The following GPCPD1 variants were observed in gnomAD, a reference collection of about 807,000 sequenced individuals.
GPCPD1 encodes the protein glycerophosphocholine phosphodiesterase GPCPD1.
Under a neutral mutation model 89.2 loss-of-function variants are expected in GPCPD1, and 29 were observed. The observed-to-expected ratio is 0.33, with a 90% CI of 0.24 to 0.44. GPCPD1 has a LOEUF of 0.44. GPCPD1 is among the 20% of genes least tolerant of loss of function. The pLI is 1.00. For synonymous variants in GPCPD1, 258 were observed against 266.3 expected, an observed-to-expected ratio of 0.97 and a Z score of 0.30; for missense variants, 594 against 808.9, an observed-to-expected ratio of 0.73 and a Z score of 3.22.
intron 10 of GPCPD1, 150 bp from the exon 11 acceptor site, chr20:5,574,119 T>C (rs1978284909): frequency 6.6e-6 from 4 of 609,902 alleles, no homozygotes; most frequent in African/African-American, 1.9e-5. Context: ...TGACTATGGC[T>C]GTGACTAGGA....
Position 5,583,800 on chromosome 20 carries a change from A to C in GPCPD1, c.349+481T>G, listed in dbSNP as rs182983911. Among the ~76,000 whole-genome samples, 3 of 152,324 alleles carry C rather than the reference A, an allele frequency of 2.0e-5. No homozygotes were observed. In the East Asian group the frequency reaches 5.8e-4, roughly 29 times the overall value. On this transcript the variant is annotated intron_variant, in intron 6 of 19. Transcript: ENST00000379019. ...CACACTTTAGATATTTAGAAACATT[A>C]ATGTAATTTCAAACATAAAAGAGGT...
At chr20:5,555,834 T>C (rs1985732316) in intron 19 of GPCPD1, among the ~76,000 whole-genome samples, 1 of 152,294 alleles carries the variant, frequency 6.6e-6, no homozygotes, top group South Asian at 2.1e-4. Context: ...AGCCAGGGTA[T>C]TAAGAGTGAG....
intron 8 of GPCPD1, among the ~76,000 whole-genome samples, chr20:5,576,984 C>T (rs1239765822): frequency 4.6e-5 from 7 of 151,882 alleles, no homozygotes; most frequent in South Asian, 2.1e-4. Flanking sequence ...GCAGGAGGAT[C>T]GCTTGAGCCC....
At chr20:5,581,814 CTTTTT>C (rs11479995) in intron 6 of GPCPD1, among the ~76,000 whole-genome samples, 87 of 75,008 alleles carry the variant, frequency 1.2e-3, no homozygotes, top group African/African-American at 6.1e-3. Flanking sequence ...GGGACTTTAA[CTTTTT>C]TTTTTTTTTT....
chr20:5,578,117 AT>A (rs1039281709), intron 8 of GPCPD1, among the ~76,000 whole-genome samples: 11 of 152,186 alleles, frequency 7.2e-5, no homozygotes, highest in African/African-American at 2.4e-4. Context: ...GATACAATTC[AT>A]TTACATTTAG....
intron 3 of GPCPD1, among the ~76,000 whole-genome samples, chr20:5,597,962 G>A (rs1392161161): frequency 2.0e-5 from 3 of 151,686 alleles, no homozygotes; most frequent in African/African-American, 7.3e-5. Flanking sequence ...ACTTTTATAG[G>A]CAAATACAAA....
intron 15 of GPCPD1, among the ~76,000 whole-genome samples, chr20:5,564,447 A>G (rs1338942947): frequency 6.6e-6 from 1 of 152,058 alleles, no homozygotes; most frequent in East Asian, 1.9e-4. Context: ...TTACCAAATT[A>G]CCATACTGAG....
At chr20:5,597,511 G>T (rs1472591331) in intron 3 of GPCPD1, among the ~76,000 whole-genome samples, 1 of 152,140 alleles carries the variant, frequency 6.6e-6, no homozygotes, top group African/African-American at 2.4e-5. Flanking sequence ...ATCATGGATT[G>T]ATTTTTTTAA....
At chr20:5,555,559 A>C (rs1327163700) in intron 19 of GPCPD1, among the ~76,000 whole-genome samples, 1 of 151,924 alleles carries the variant, frequency 6.6e-6, no homozygotes, top group Non-Finnish European at 1.5e-5. Flanking sequence ...TAATAAAATA[A>C]AAATAAAGAT....
chr20:5,605,992 A>G (rs1568683627), intron 1 of GPCPD1, among the ~76,000 whole-genome samples: 1 of 152,110 alleles, frequency 6.6e-6, no homozygotes, highest in Admixed American at 6.6e-5. Flanking sequence ...CTCCATAGTA[A>G]AAGGAATTTA....
rs148144873 is a variant in GPCPD1, at chr20:5,580,025, T to A, written c.456A>T (p.Leu152Phe). Reference protein sequence around the residue: ...KPPVSITKKKLKKSRFRVKLT... With the variant: ...KPPVSITKKKFKKSRFRVKLT... ...GGTCATACCTAAATCTAGATTTTTT[T>A]AATTTTTTCTTGGTTATTGACACAG... The change falls in exon 7 of 20, where the codon TTA becomes TTT. Residue 152 changes from leucine to phenylalanine, a missense_variant. Leu to Phe is a conservative substitution (Grantham distance 22). Transcript: ENST00000379019. The A allele has an allele frequency of 4.6e-4, 711 of 1,541,520 alleles. 3 individuals carry two copies. The highest frequency in any genetic ancestry group is 7.4e-4 in the Middle Eastern group (4 of 5,400).
rs1174262978 is a variant in GPCPD1, at chr20:5,546,767, T to C, written c.*894A>G. Reference sequence around the variant, plus strand: ...GTGAGAGACACACAAAATAAGCATATTTAAAACGCCTACAAACAGCCTTTT... The same window carrying C: ...GTGAGAGACACACAAAATAAGCATACTTAAAACGCCTACAAACAGCCTTTT... On this transcript the variant is annotated 3_prime_UTR_variant, in exon 20 of 20. Transcript: ENST00000379019. 1 of 152,034 alleles carries C rather than the reference T, an allele frequency of 6.6e-6. No homozygotes were observed. 9.4% of individuals were successfully genotyped at this position (152,034 alleles called of 1,614,324 possible). A position where few individuals can be genotyped will look rare whatever the true frequency, so the allele number is the denominator to read the frequency against.
In GPCPD1 at chr20:5,549,866, C is replaced by G. The variant is rs138663936; in HGVS notation, c.1830-2016G>C. The stretch of plus-strand genomic sequence containing the variant: ...TGCATTCAGAGAAAAAAAGATAGTT[C>G]TTGGAAATTAAAGACACAATAGCAG... On this transcript the variant is annotated intron_variant, in intron 19 of 19. Transcript: ENST00000379019. 3.2e-3 allele frequency among the ~76,000 whole-genome samples: 489 copies of G among 151,288 alleles called. 3 individuals are homozygous for G. The highest frequency in any genetic ancestry group is 0.011 in the African/African-American group (454 of 41,244).
Position 5,565,019 on chromosome 20 carries a change from T to C in GPCPD1, c.1327A>G (p.Met443Val). The C allele has an allele frequency of 6.9e-7, 1 of 1,451,816 alleles. No homozygotes were observed. The highest frequency in any genetic ancestry group is 9.7e-7 in the Non-Finnish European group (1 of 1,032,496). The allele number at this position is 1,451,816 out of a possible 1,614,324, so 89.9% of individuals were successfully genotyped here. A position where few individuals can be genotyped will look rare whatever the true frequency, so the allele number is the denominator to read the frequency against. Residue 443 changes from methionine (M) to valine (V), a missense_variant and splice_region_variant, in exon 15 of 20, where the codon ATG becomes GTG. Transcript: ENST00000379019. ...SENQPFPSLK[M>V]VLESLPEDVG... The stretch of plus-strand genomic sequence containing the variant: ...CTTGGTTTTCCTCAATAACTTACCA[T>C]CTTAAGAGAAGGAAATGGCTGATTT...
At position 5,550,061 on chromosome 20, in the gene GPCPD1, C is replaced by T. The variant is rs190480699; in HGVS notation, c.1830-2211G>A. On this transcript the variant is annotated intron_variant, in intron 19 of 19. Coordinates refer to ENST00000379019, the MANE Select transcript of GPCPD1 (RefSeq NM_019593.5). ...ACAAAAAATTAGCCAGGCATGGTGG[C>T]GTGCGCCTGTAGGCCCAGCTACTTG... Among the ~76,000 whole-genome samples, 5 of 151,832 alleles carry T rather than the reference C, an allele frequency of 3.3e-5. No homozygotes were observed. In the East Asian group the frequency reaches 5.8e-4, roughly 18 times the overall value.
intron 2 of GPCPD1, among the ~76,000 whole-genome samples, chr20:5,600,629 C>G (rs1429775220): frequency 2.0e-5 from 3 of 152,164 alleles, no homozygotes; most frequent in African/African-American, 7.2e-5. Flanking sequence ...GTCAGGAGTT[C>G]AAGACCAGCC....
intron 11 of GPCPD1, among the ~76,000 whole-genome samples, 182 bp downstream of exon 11, chr20:5,573,733 G>T (rs1294122933): frequency 6.6e-6 from 1 of 152,116 alleles, no homozygotes; most frequent in East Asian, 1.9e-4. Flanking sequence ...GACAGAACAA[G>T]ACCCTGTCTC....
chr20:5,546,525 C>T lies in GPCPD1; in HGVS notation c.*1136G>A, dbSNP rs1985033122. 6.6e-6 allele frequency: 1 copy of T among 152,160 alleles called. No individual in the cohort carries two copies. Among genetic ancestry groups the T allele is most frequent in the African/African-American group, 2.4e-5 (1 of 41,426 alleles). 9.4% of individuals were successfully genotyped at this position (152,160 alleles called of 1,614,324 possible). On this transcript the variant is annotated 3_prime_UTR_variant, in exon 20 of 20. Coordinates refer to ENST00000379019, the MANE Select transcript of GPCPD1 (RefSeq NM_019593.5). ...TTCATTCTTTAAGTTACAGTTAACA[C>T]AATCTGCTTCTAATCCAAGAAATCC... is the stretch of plus-strand genomic sequence containing the variant.
chr20:5,560,838 C>G (rs910020608), intron 16 of GPCPD1, among the ~76,000 whole-genome samples: 2 of 152,174 alleles, frequency 1.3e-5, no homozygotes, highest in Non-Finnish European at 2.9e-5. Flanking sequence ...AAGCCCCTTG[C>G]AATGCATCCC....
Sources: gnomAD v4.1 joint callset for allele counts (sites outside exome capture counted in the v4.1 genomes callset) on GRCh38, gnomAD v4.1.1 for gene constraint, MANE v1.5 for transcripts, NCBI Gene and HGNC (gene_info 2026-07-23, HGNC 2026-07-21) for gene names.